The following KIR3DL2 variants were observed in gnomAD, a reference collection of about 807,000 sequenced individuals.
KIR3DL2 encodes killer cell immunoglobulin-like receptor 3DL2.
A neutral mutation model predicts 41.6 loss-of-function variants in KIR3DL2; 42 were observed. That is an observed-to-expected ratio of 1.01 (90% CI 0.79 to 1.31). The LOEUF is 1.31. KIR3DL2 is among the 50% of genes most tolerant of loss of function. The pLI is 0.00. For missense variants in KIR3DL2, 728 were observed against 576.8 expected (o/e 1.26, Z -2.68); for synonymous variants, 230 against 221.3 (o/e 1.04, Z -0.35).
chr19:54,866,166 G>C (rs2065498092), intron 7 of KIR3DL2, among the ~76,000 whole-genome samples: 1 of 152,028 alleles, frequency 6.6e-6, no homozygotes, highest in Non-Finnish European at 1.5e-5. Context: ...GCAGAAAGTG[G>C]GAGACAGAAT....
intron 5 of KIR3DL2, among the ~76,000 whole-genome samples, chr19:54,857,652 A>G (rs1268235022): frequency 6.6e-6 from 1 of 151,528 alleles, no homozygotes; most frequent in Non-Finnish European, 1.5e-5. Context: ...CCCGCGTTCA[A>G]CTGATTCTCC....
intron 1 of KIR3DL2, among the ~76,000 whole-genome samples, chr19:54,850,884 A>T (rs62122253): frequency 8.0e-6 from 1 of 125,342 alleles, no homozygotes; most frequent in Non-Finnish European, 1.6e-5. Context: ...GAGTGGAGAT[A>T]TGGGCCTAGA....
chr19:54,863,514 C>T (rs1468432893), intron 6 of KIR3DL2, among the ~76,000 whole-genome samples: 1 of 152,048 alleles, frequency 6.6e-6, no homozygotes, highest in Non-Finnish European at 1.5e-5. Context: ...CTCTCCAGCA[C>T]CTGTTGTTTC....
chr19:54,866,723 G>T lies in KIR3DL2; in HGVS notation c.1360G>T (p.Val454Phe), dbSNP rs139305123. The T allele has an allele frequency of 1.6e-4, 252 of 1,613,540 alleles. No homozygotes were observed. In the African/African-American group the frequency reaches 2.9e-3, roughly 18 times the overall value. The change falls in exon 9 of 9, where the codon GTT becomes TTT. Residue 454 changes from valine (V) to phenylalanine (F), a missense_variant. Val to Phe is a conservative substitution (Grantham distance 50). Coordinates refer to ENST00000326321, the MANE Select transcript of KIR3DL2 (RefSeq NM_006737.4). Reference protein sequence around the residue: ...PRAPQSGLEGVF With the variant: ...PRAPQSGLEGFF ...AGCACCACAGTCAGGTCTTGAGGGG[G>T]TTTTCTAGGGAGACAACAGCCCTGT...
intron 6 of KIR3DL2, among the ~76,000 whole-genome samples, chr19:54,859,902 GC>G (rs1236336926): frequency 6.6e-6 from 1 of 151,790 alleles, no homozygotes; most frequent in African/African-American, 2.4e-5. Context: ...CTTCCTCAAA[GC>G]CCACAAAGAC....
chr19:54,866,010 C>T, intron 7 of KIR3DL2, 101 bp downstream of exon 7: 1 of 1,122,328 alleles, frequency 8.9e-7, no homozygotes, highest in South Asian at 1.3e-5. Context: ...TGGTCCCTGG[C>T]CCAAGGGAGG....
chr19:54,850,914 G>T (rs1334021716), intron 1 of KIR3DL2, among the ~76,000 whole-genome samples: 1 of 126,962 alleles, frequency 7.9e-6, no homozygotes, highest in Non-Finnish European at 1.7e-5. Flanking sequence ...TGGGCCTGGA[G>T]TGGAGATATG....
In KIR3DL2 at chr19:54,854,063, A is replaced by G. The variant is rs1299266678; in HGVS notation, c.655+17A>G. 4.3e-6 allele frequency: 7 copies of G among 1,611,044 alleles called. No individual in the cohort carries two copies. Among genetic ancestry groups the G allele is most frequent in the Non-Finnish European group, 4.2e-6 (5 of 1,178,180 alleles). On this transcript the variant is annotated intron_variant, in intron 4 of 8. Transcript: ENST00000326321. The stretch of plus-strand genomic sequence containing the variant: ...TGATCACAGGTGAGAGTGTCCAGAC[A>G]TTCTTCTCATTGTCATTGGGACACA...
chr19:54,865,774 A>G, intron 6 of KIR3DL2, 31 bp from the exon 7 acceptor site: 1 of 1,540,464 alleles, frequency 6.5e-7, no homozygotes, highest in East Asian at 2.2e-5. Flanking sequence ...TGCTATGATT[A>G]GCTTCTTATT....
chr19:54,853,744 T>C lies in KIR3DL2; in HGVS notation c.356-3T>C, dbSNP rs1458644859. The stretch of plus-strand genomic sequence containing the variant: ...CTTCTAAACTCACAACTTCTCTTTC[T>C]AGGAAACCACAGAAAACCTTCCCTC... On this transcript the variant is annotated splice_region_variant and splice_polypyrimidine_tract_variant and intron_variant, in intron 3 of 8. Transcript: ENST00000326321. The C allele has an allele frequency of 5.0e-5, 80 of 1,609,022 alleles. 1 individual carries two copies. In the Middle Eastern group the frequency reaches 1.5e-3, roughly 30 times the overall value.
intron 5 of KIR3DL2, 121 bp downstream of exon 5, chr19:54,856,033 G>A (rs146110080): frequency 0.095 from 92,990 of 980,014 alleles, 4,072 homozygotes; most frequent in Non-Finnish European, 0.11. Context: ...CTGGGTGTGA[G>A]GGGGGGGTCA....
At chr19:54,854,153 T>A (rs2064543742) in intron 4 of KIR3DL2, 107 bp downstream of exon 4, 1 of 1,368,134 alleles carries the variant, frequency 7.3e-7, no homozygotes, top group Non-Finnish European at 1.0e-6. Flanking sequence ...GGGATTCTTA[T>A]GGAGAGAGAC....
chr19:54,866,369 G>C lies in KIR3DL2; in HGVS notation c.1106-1G>C. 6.2e-7 allele frequency: 1 copy of C among 1,613,988 alleles called. No individual in the cohort carries two copies. The highest frequency in any genetic ancestry group is 1.1e-5 in the South Asian group (1 of 91,080). ...GTTTTGATGACTTCCGTCTCCTACA[G>C]ATGCTGCTGTAATGGACCAAGAGCC... On this transcript the variant is annotated splice_acceptor_variant, in intron 7 of 8. Coordinates refer to ENST00000326321, the MANE Select transcript of KIR3DL2 (RefSeq NM_006737.4). LOFTEE classifies it high-confidence loss of function.
intron 6 of KIR3DL2, among the ~76,000 whole-genome samples, chr19:54,859,995 C>T (rs1601799682): frequency 6.6e-6 from 1 of 152,008 alleles, no homozygotes; most frequent in East Asian, 1.9e-4. Flanking sequence ...CCTTCTTGCC[C>T]TTCTTTTGAA....
intron 5 of KIR3DL2, among the ~76,000 whole-genome samples, chr19:54,858,762 A>G (rs1035207816): frequency 3.3e-5 from 5 of 151,862 alleles, no homozygotes; most frequent in Non-Finnish European, 7.4e-5. Context: ...ATGTAAATGC[A>G]TGGATTATAT....
chr19:54,855,655 G>A lies in KIR3DL2; in HGVS notation c.692G>A (p.Gly231Asp). The change falls in exon 5 of 9, where the codon GGC becomes GAC. Residue 231 changes from glycine (G) to aspartate (D), a missense_variant. Transcript: ENST00000326321. ...AAACCTTCTCTCTCAGCCCAGCCGG[G>A]CCCCACGGTTCAGGCAGGAGAGAAC... ...YEKPSLSAQP[G>D]PTVQAGENVT... is the part of the protein sequence containing the mutation. 2.5e-6 allele frequency: 4 copies of A among 1,613,488 alleles called. No homozygotes were observed. Among genetic ancestry groups the A allele is most frequent in the Admixed American group, 1.7e-5 (1 of 59,988 alleles).
chr19:54,850,479 T>A lies in KIR3DL2; in HGVS notation c.4T>A (p.Ser2Thr). The change falls in exon 1 of 9, where the codon TCG (serine) becomes ACG (threonine). Residue 2 changes from serine (S) to threonine (T), a missense_variant. Coordinates refer to ENST00000326321, the MANE Select transcript of KIR3DL2 (RefSeq NM_006737.4). M[S>T]LTVVSMACVG... is the part of the protein sequence containing the mutation. ...TCCTGTCTGCACCGGCAGCACCATGTCGCTCACGGTCGTCAGCATGGCGTG... is the reference window on the plus strand; with the variant it reads ...TCCTGTCTGCACCGGCAGCACCATGACGCTCACGGTCGTCAGCATGGCGTG... The A allele has an allele frequency of 6.2e-7, 1 of 1,608,952 alleles. No homozygotes were observed. The highest frequency in any genetic ancestry group is 8.5e-7 in the Non-Finnish European group (1 of 1,179,920).
At chr19:54,862,179 T>C (rs1486977183) in intron 6 of KIR3DL2, among the ~76,000 whole-genome samples, 1 of 151,984 alleles carries the variant, frequency 6.6e-6, no homozygotes, top group Non-Finnish European at 1.5e-5. Flanking sequence ...TCACAAAGAG[T>C]AGCACGTTTC....
At chr19:54,866,268 C>G (rs1218251388) in intron 7 of KIR3DL2, 102 bp from the exon 8 acceptor site, 6 of 1,170,920 alleles carry the variant, frequency 5.1e-6, no homozygotes, top group African/African-American at 1.5e-5. Context: ...AGCTGAAGAG[C>G]CTCAGGCACC....
Sources: gnomAD v4.1 joint callset for allele counts (sites outside exome capture counted in the v4.1 genomes callset) on GRCh38, gnomAD v4.1.1 for gene constraint, MANE v1.5 for transcripts, NCBI Gene and HGNC (gene_info 2026-07-23, HGNC 2026-07-21) for gene names.